Variants in MFAP3L observed in about 807,000 individuals in gnomAD.
The protein encoded by MFAP3L is microfibrillar-associated protein 3-like.
MFAP3L carries 5 observed loss-of-function variants against 20.0 expected under a neutral mutation model. The ratio of observed to expected loss-of-function variants is 0.25; its 90% CI spans 0.13 to 0.53. The LOEUF is 0.53. MFAP3L is among the 20% of genes least tolerant of loss of function. The probability of loss-of-function intolerance (pLI) is 0.96; values close to 1 mark genes in which losing one functional copy is unlikely to be tolerated. For missense variants in MFAP3L, 409 were observed against 527.5 expected (o/e 0.78, Z 2.20); for synonymous variants, 219 against 213.0 (o/e 1.03, Z -0.25).
intron 1 of MFAP3L, among the ~76,000 whole-genome samples, chr4:170,018,121 T>C (rs1739812001): frequency 6.6e-6 from 1 of 152,174 alleles, no homozygotes; most frequent in Admixed American, 6.5e-5. Context: ...CTAAACTAGG[T>C]AAATGCCACA....
Position 169,986,840 on chromosome 4 carries a change from C to G in MFAP3L, c.*4538G>C, listed in dbSNP as rs1737310823. 1 of 152,194 alleles carries G rather than the reference C, an allele frequency of 6.6e-6. No individual in the cohort carries two copies. Among genetic ancestry groups the G allele is most frequent in the Admixed American group, 6.5e-5 (1 of 15,276 alleles). The allele number at this position is 152,194 out of a possible 1,614,324, so 9.4% of individuals were successfully genotyped here. On this transcript the variant is annotated 3_prime_UTR_variant, in exon 3 of 3. Coordinates refer to ENST00000361618, the MANE Select transcript of MFAP3L (RefSeq NM_021647.8). ...ACTACTGAAATACAACAAACGAAATCTAAGTGCAAGCATCTTCCTTGATTC... is the reference window on the plus strand; with the variant it reads ...ACTACTGAAATACAACAAACGAAATGTAAGTGCAAGCATCTTCCTTGATTC...
In MFAP3L at chr4:169,995,326, C is replaced by A. The variant is rs116921358; in HGVS notation, c.299-3017G>T. Among the ~76,000 whole-genome samples the A allele has an allele frequency of 5.7e-3, 863 of 152,298 alleles. 7 individuals carry two copies. Among genetic ancestry groups the A allele is most frequent in the Middle Eastern group, 0.017 (5 of 294 alleles). ...GGTTGTGTACGTCTGTATTCCCCCA[C>A]CCCCTTTTTTGTAAAGGCCAGTATA... On this transcript the variant is annotated intron_variant, in intron 2 of 2. Transcript: ENST00000361618.
intron 2 of MFAP3L, chr4:170,002,094 C>CA (rs1738668588): frequency 5.1e-6 from 5 of 985,056 alleles, no homozygotes; most frequent in Non-Finnish European, 1.2e-6. Flanking sequence ...GCCATGTACA[C>CA]ACACATGTTC....
chr4:169,992,254 T>C lies in MFAP3L; in HGVS notation c.354A>G (p.Ser118=), dbSNP rs1251584777. The C allele has an allele frequency of 6.2e-7, 1 of 1,613,984 alleles. No individual in the cohort carries two copies. Among genetic ancestry groups the C allele is most frequent in the South Asian group, 1.1e-5 (1 of 91,058 alleles). ...GLLNITKVSF[S]DRGKYTCVAS... is the part of the protein sequence containing the mutation. ...CCACACACGTGTATTTACCTCGGTC[T>C]GAGAAGGATACCTTGGTGATGTTCA... Residue 118 remains serine, a synonymous_variant, in exon 3 of 3, where the codon TCA becomes TCG. Coordinates refer to ENST00000361618, the MANE Select transcript of MFAP3L (RefSeq NM_021647.8). This position sits in a 1 kb window ranked among gnomAD's most constrained non-coding sequence, Gnocchi z 4.3.
At chr4:170,003,870 AG>A (rs1227941546) in intron 2 of MFAP3L, 3 of 985,078 alleles carry the variant, frequency 3.0e-6, no homozygotes, top group South Asian at 9.4e-5. Context: ...CTTGTCCTGG[AG>A]GAAGTGGCTG....
intron 2 of MFAP3L, chr4:169,995,189 T>G (rs754475860): frequency 5.3e-5 from 8 of 152,196 alleles, no homozygotes; most frequent in Non-Finnish European, 1.0e-4. Context: ...AATGAGTATG[T>G]GACCTGGATT....
At chr4:170,008,279 A>C (rs1739170302) in intron 1 of MFAP3L, among the ~76,000 whole-genome samples, 1 of 152,184 alleles carries the variant, frequency 6.6e-6, no homozygotes, top group African/African-American at 2.4e-5. Context: ...TAAGGTACAG[A>C]AGACATAACG....
intron 1 of MFAP3L, among the ~76,000 whole-genome samples, chr4:170,025,439 T>C (rs890690290): frequency 4.6e-5 from 7 of 152,218 alleles, no homozygotes; most frequent in Admixed American, 2.6e-4. Context: ...TTAAAAATAA[T>C]GACAGTTCGA....
intron 1 of MFAP3L, among the ~76,000 whole-genome samples, chr4:170,012,430 A>C (rs1739440542): frequency 6.6e-6 from 1 of 152,198 alleles, no homozygotes; most frequent in African/African-American, 2.4e-5. Context: ...AAATTCAACA[A>C]ACCACTCCCT....
chr4:170,020,547 C>T (rs955867023), intron 1 of MFAP3L, among the ~76,000 whole-genome samples: 6 of 151,996 alleles, frequency 3.9e-5, no homozygotes, highest in South Asian at 2.1e-4. Context: ...TCAAGTCCTA[C>T]GCAGGACCTA....
chr4:169,991,969 G>A lies in MFAP3L; in HGVS notation c.639C>T (p.Ser213=), dbSNP rs1392502281. The stretch of plus-strand genomic sequence containing the variant: ...CTTTGGCAAGCTCTAGAGTTTTGGC[G>A]GAGGTGATGATGGGGATGCGCTTGG... ...EIAKRIPIIT[S]AKTLELAKVT... Residue 213 remains serine (S), a synonymous_variant, in exon 3 of 3, where the codon TCC becomes TCT. Coordinates refer to ENST00000361618, the MANE Select transcript of MFAP3L (RefSeq NM_021647.8). This position sits in a 1 kb window ranked among gnomAD's most constrained non-coding sequence, Gnocchi z 4.9. The A allele has an allele frequency of 1.4e-5, 22 of 1,614,052 alleles. No homozygotes were observed. The highest frequency in any genetic ancestry group is 1.3e-4 in the Admixed American group (8 of 59,996).
chr4:169,997,969 G>GGCAA (rs1181321975), intron 2 of MFAP3L, among the ~76,000 whole-genome samples: 1 of 152,090 alleles, frequency 6.6e-6, no homozygotes, highest in Non-Finnish European at 1.5e-5. Context: ...CTTCAAATCA[G>GGCAA]GCAAGCCTAG....
upstream of MFAP3L, chr4:170,026,575 C>G (rs1025252635): frequency 6.6e-6 from 1 of 151,942 alleles, no homozygotes; most frequent in East Asian, 1.9e-4. Context: ...GCGGAGCGGC[C>G]CCGCGGAGGA....
intron 2 of MFAP3L, among the ~76,000 whole-genome samples, chr4:170,003,022 T>C (rs1306246926): frequency 6.6e-6 from 1 of 152,150 alleles, no homozygotes. Flanking sequence ...GATTCTGATA[T>C]TTTTTGAGCA....
intron 1 of MFAP3L, among the ~76,000 whole-genome samples, chr4:170,008,713 A>G (rs1335551668): frequency 1.3e-5 from 2 of 152,146 alleles, no homozygotes; most frequent in Admixed American, 1.3e-4. Flanking sequence ...CATGGCTCAC[A>G]GGGTAGAAAC....
intron 1 of MFAP3L, among the ~76,000 whole-genome samples, chr4:170,014,536 C>G (rs761614824): frequency 1.3e-5 from 2 of 152,200 alleles, no homozygotes; most frequent in African/African-American, 2.4e-5. Context: ...CCCACAAGTC[C>G]AGGCTGTGCG....
At chr4:170,022,227 C>A (rs1581530314) in intron 1 of MFAP3L, among the ~76,000 whole-genome samples, 1 of 151,798 alleles carries the variant, frequency 6.6e-6, no homozygotes, top group East Asian at 1.9e-4. Flanking sequence ...ATCCAGAGAC[C>A]TGAATTACAG....
At chr4:170,000,812 T>A (rs1043983539) in intron 2 of MFAP3L, among the ~76,000 whole-genome samples, 54 of 152,174 alleles carry the variant, frequency 3.5e-4, no homozygotes, top group African/African-American at 1.3e-3. Context: ...AGCCTCAAAC[T>A]CCCAGGCTCA....
chr4:170,027,190 T>C (rs919261466), upstream of MFAP3L: 8 of 151,954 alleles, frequency 5.3e-5, no homozygotes, highest in African/African-American at 1.9e-4. Context: ...GATCCTGCAA[T>C]GTTAGTGGCT....
Sources: gnomAD v4.1 joint callset for allele counts (sites outside exome capture counted in the v4.1 genomes callset) on GRCh38, gnomAD v4.1.1 for gene constraint, Gnocchi (gnomAD v3.1) non-coding constraint, MANE v1.5 for transcripts, NCBI Gene and HGNC (gene_info 2026-07-23, HGNC 2026-07-21) for gene names.